Variants in NFAM1 observed in about 807,000 individuals in gnomAD.
NFAM1 encodes the protein NFAT activating protein with ITAM motif 1, also known as NFAT activation molecule 1.
NFAM1 carries 17 observed loss-of-function variants against 29.0 expected under a neutral mutation model. That is an observed-to-expected ratio of 0.59 (90% CI 0.40 to 0.88). The LOEUF (loss-of-function observed/expected upper bound fraction) is 0.88, where lower values mean the gene tolerates loss of function less well. Ranked by LOEUF, NFAM1 falls within the 40% of genes least tolerant of loss-of-function variation. The pLI is 0.00. For synonymous variants in NFAM1, 175 were observed against 147.2 expected (o/e 1.19, Z -1.36); for missense variants, 324 against 344.6 (o/e 0.94, Z 0.47).
chr22:42,380,970 C>T lies in NFAM1; in HGVS notation c.*4191G>A, dbSNP rs531393290. The stretch of plus-strand genomic sequence containing the variant: ...GGAACCCCAGCCACACCGGGTTCAG[C>T]GCAGAACCAGCACATGTTCCCATGG... On this transcript the variant is annotated 3_prime_UTR_variant, in exon 6 of 6. Coordinates refer to ENST00000329021, the MANE Select transcript of NFAM1 (RefSeq NM_145912.8). 3.9e-5 allele frequency: 6 copies of T among 152,610 alleles called. No individual in the cohort carries two copies. In the South Asian group the frequency reaches 6.2e-4, roughly 16 times the overall value. The allele number at this position is 152,610 out of a possible 1,614,324, so 9.5% of individuals were successfully genotyped here. A position where few individuals can be genotyped will look rare whatever the true frequency, so the allele number is the denominator to read the frequency against.
At chr22:42,410,107 G>C (rs1348132584) in intron 2 of NFAM1, among the ~76,000 whole-genome samples, 1 of 152,114 alleles carries the variant, frequency 6.6e-6, no homozygotes, top group Non-Finnish European at 1.5e-5. Context: ...GATTTCCCCA[G>C]CACTGCCTAT....
chr22:42,399,098 T>C (rs917302377), intron 3 of NFAM1, among the ~76,000 whole-genome samples: 9 of 151,542 alleles, frequency 5.9e-5, no homozygotes, highest in African/African-American at 2.2e-4. Context: ...GAGCCTCAGG[T>C]AGAGGGAACA....
Position 42,385,155 on chromosome 22 carries a change from C to G in NFAM1, c.*6G>C, listed in dbSNP as rs1415832911. ...AGGGCAAGCTCTATGAGCGGTGGAG[C>G]CCATCCTAGAGATTTTCATAGACCA... On this transcript the variant is annotated 3_prime_UTR_variant, in exon 6 of 6. Transcript: ENST00000329021. 3 of 1,610,270 alleles carry G rather than the reference C, an allele frequency of 1.9e-6. No individual in the cohort carries two copies. Among genetic ancestry groups the G allele is most frequent in the African/African-American group, 1.3e-5 (1 of 74,802 alleles).
At chr22:42,390,962 G>C (rs182705665) in intron 4 of NFAM1, among the ~76,000 whole-genome samples, 2 of 152,154 alleles carry the variant, frequency 1.3e-5, no homozygotes, top group Non-Finnish European at 2.9e-5. Flanking sequence ...CGTGGCGGTC[G>C]TAAGAACTGC....
intron 4 of NFAM1, among the ~76,000 whole-genome samples, chr22:42,392,367 C>T (rs1371019216): frequency 2.0e-5 from 3 of 151,952 alleles, no homozygotes; most frequent in Admixed American, 6.6e-5. Context: ...AGGTGAGGAC[C>T]GAGAACTGCC....
At chr22:42,433,009 C>G (rs1264715384), upstream of NFAM1, among the ~76,000 whole-genome samples, 2 of 152,180 alleles carry the variant, frequency 1.3e-5, no homozygotes, top group East Asian at 1.9e-4. Context: ...CTAACGTCAG[C>G]TCCTCCCTGT....
At chr22:42,386,841 T>A in intron 5 of NFAM1, 148 bp downstream of exon 5, 1 of 563,192 alleles carries the variant, frequency 1.8e-6, no homozygotes, top group Non-Finnish European at 3.1e-6. Context: ...CCAGTCCTCT[T>A]AACCAGCAGG....
rs909147416 is a variant in NFAM1, at chr22:42,419,308, C to A, written c.122-7572G>T. ...AGTCCCCAGCGATCCACAAACTCAT[C>A]CTGCTCCTGCCCTGCCTGAACCGGC... On this transcript the variant is annotated intron_variant, in intron 1 of 5. Coordinates refer to ENST00000329021, the MANE Select transcript of NFAM1 (RefSeq NM_145912.8). This position sits in a 1 kb window ranked among gnomAD's most constrained non-coding sequence, Gnocchi z 4.5. 1.3e-4 allele frequency among the ~76,000 whole-genome samples: 20 copies of A among 152,122 alleles called. No individual in the cohort carries two copies. The highest frequency in any genetic ancestry group is 2.8e-4 in the Non-Finnish European group (19 of 68,036).
At position 42,385,137 on chromosome 22, in the gene NFAM1, G is replaced by A; in HGVS notation, c.*24C>T. ...GCCCCGGTCCTCTGACCCAGGGCAA[G>A]CTCTATGAGCGGTGGAGCCCATCCT... On this transcript the variant is annotated 3_prime_UTR_variant, in exon 6 of 6. Coordinates refer to ENST00000329021, the MANE Select transcript of NFAM1 (RefSeq NM_145912.8). 1.2e-6 allele frequency: 2 copies of A among 1,601,522 alleles called. No homozygotes were observed. Among genetic ancestry groups the A allele is most frequent in the Non-Finnish European group, 1.7e-6 (2 of 1,168,840 alleles).
At chr22:42,431,341 C>T (rs1277335144) in intron 1 of NFAM1, among the ~76,000 whole-genome samples, 1 of 152,128 alleles carries the variant, frequency 6.6e-6, no homozygotes, top group Non-Finnish European at 1.5e-5. Context: ...TGCAGCAGGA[C>T]AGGGTGGGGG....
At chr22:42,416,738 G>A (rs913230286) in intron 1 of NFAM1, among the ~76,000 whole-genome samples, 10 of 152,196 alleles carry the variant, frequency 6.6e-5, no homozygotes, top group Non-Finnish European at 1.3e-4. Context: ...CTGAGTGAGG[G>A]CACTCGGCCG....
chr22:42,412,514 C>CGCTCGG (rs1305286583), intron 1 of NFAM1, among the ~76,000 whole-genome samples: 2 of 152,236 alleles, frequency 1.3e-5, no homozygotes, highest in Non-Finnish European at 2.9e-5. Flanking sequence ...CCAGAGCCTG[C>CGCTCGG]GCTCCCAACC....
rs957596448 is a variant in NFAM1, at chr22:42,385,222, T to C, written c.754-2A>G. 3.1e-6 allele frequency: 5 copies of C among 1,602,268 alleles called. No individual in the cohort carries two copies. In the African/African-American group the frequency reaches 5.4e-5, roughly 17 times the overall value. On this transcript the variant is annotated splice_acceptor_variant, in intron 5 of 5. Coordinates refer to ENST00000329021, the MANE Select transcript of NFAM1 (RefSeq NM_145912.8). LOFTEE classifies it high-confidence loss of function. ...ATCTTCGAATCTATGCGGTCTCTCCTGGATAGAAAAGAAGAAAGGGAGGGA... is the reference window on the plus strand; with the variant it reads ...ATCTTCGAATCTATGCGGTCTCTCCCGGATAGAAAAGAAGAAAGGGAGGGA...
intron 4 of NFAM1, among the ~76,000 whole-genome samples, chr22:42,387,742 C>T (rs111452520): frequency 2.2e-3 from 336 of 152,280 alleles, no homozygotes; most frequent in African/African-American, 7.2e-3. Flanking sequence ...TCAGCCACCC[C>T]TCCTGGGCCA....
upstream of NFAM1, among the ~76,000 whole-genome samples, chr22:42,436,720 C>T (rs1930949070): frequency 1.3e-5 from 2 of 152,214 alleles, no homozygotes; most frequent in African/African-American, 4.8e-5. Flanking sequence ...TCATAGAAAC[C>T]TTGTATGGGA....
At chr22:42,428,073 G>T (rs1489111791) in intron 1 of NFAM1, among the ~76,000 whole-genome samples, 2 of 152,230 alleles carry the variant, frequency 1.3e-5, no homozygotes, top group East Asian at 1.9e-4. Context: ...GACAGGACCC[G>T]CTGGGAGTGT....
chr22:42,432,283 C>T lies in NFAM1; in HGVS notation c.75G>A (p.Trp25Ter). 6.4e-7 allele frequency: 1 copy of T among 1,572,680 alleles called. No homozygotes were observed. Reference sequence around the variant, plus strand: ...GCAGCAGCAGCACGCCAAGGAGGAGCCAGGGGGCTGCGGGGAGCCCAGGAG... The same window carrying T: ...GCAGCAGCAGCACGCCAAGGAGGAGTCAGGGGGCTGCGGGGAGCCCAGGAG... ...PRPPGLPAAP[W>*]LLLGVLLLPG... is the part of the protein sequence containing the mutation. The change falls in exon 1 of 6, where the codon TGG becomes TGA. Residue 25 changes from tryptophan (W) to a stop codon, truncating the protein, a stop_gained. Transcript: ENST00000329021. LOFTEE classifies it high-confidence loss of function.
chr22:42,390,413 G>A (rs1291026960), intron 4 of NFAM1, among the ~76,000 whole-genome samples: 3 of 152,146 alleles, frequency 2.0e-5, no homozygotes, highest in Non-Finnish European at 4.4e-5. Context: ...ACTCAAAGAA[G>A]GAAGATAGGG....
At chr22:42,411,033 T>G (rs1194943121) in intron 2 of NFAM1, among the ~76,000 whole-genome samples, 1 of 148,492 alleles carries the variant, frequency 6.7e-6, no homozygotes, top group Non-Finnish European at 1.5e-5. Context: ...TTTTTTTTTT[T>G]TTTTTTTTGA....
Sources: allele counts gnomAD v4.1 joint callset (sites outside exome capture counted in the v4.1 genomes callset), GRCh38; gene constraint gnomAD v4.1.1; non-coding constraint Gnocchi (gnomAD v3.1); transcripts MANE v1.5; gene names NCBI Gene and HGNC (gene_info 2026-07-23, HGNC 2026-07-21).